Variants in FBXW2 observed in about 807,000 individuals in gnomAD.
FBXW2 encodes the protein F-box and WD repeat domain containing 2.
In FBXW2, 12 loss-of-function variants were observed where a neutral mutation model predicts 46.0. The ratio of observed to expected loss-of-function variants is 0.26; its 90% CI spans 0.17 to 0.42. The LOEUF (loss-of-function observed/expected upper bound fraction) is 0.42, where lower values mean the gene tolerates loss of function less well. FBXW2 is among the 10% of genes least tolerant of loss of function. FBXW2 has a pLI of 1.00. For synonymous variants in FBXW2, 203 were observed against 209.6 expected (o/e 0.97, Z 0.27); for missense variants, 360 against 537.0 (o/e 0.67, Z 3.26).
rs1422391458 is a variant in FBXW2, at chr9:120,763,443, T to C, written c.*1116A>G. On this transcript the variant is annotated 3_prime_UTR_variant, in exon 8 of 8. Coordinates refer to ENST00000608872, the MANE Select transcript of FBXW2 (RefSeq NM_012164.4). The stretch of plus-strand genomic sequence containing the variant: ...AAGTTAGGTTGGGTTCAGGTATCCT[T>C]CTAGTATAGCATACTGTGTCCCTAT... 1.3e-5 allele frequency: 2 copies of C among 152,200 alleles called. No individual in the cohort carries two copies. The highest frequency in any genetic ancestry group is 4.8e-5 in the African/African-American group (2 of 41,450). 9.4% of individuals were successfully genotyped at this position (152,200 alleles called of 1,614,324 possible).
At chr9:120,770,098 C>T (rs558490487) in intron 7 of FBXW2, among the ~76,000 whole-genome samples, 19 of 152,212 alleles carry the variant, frequency 1.2e-4, no homozygotes, top group African/African-American at 3.4e-4. Flanking sequence ...ATGAAGAGGC[C>T]GGGTGCGGTG....
chr9:120,791,286 T>C (rs1357094319), intron 2 of FBXW2, among the ~76,000 whole-genome samples: 1 of 152,230 alleles, frequency 6.6e-6, no homozygotes, highest in Non-Finnish European at 1.5e-5. Flanking sequence ...ATGGAATAGC[T>C]ACCTCCAGAG....
chr9:120,793,077 T>C lies in FBXW2; in HGVS notation c.-21+72A>G. On this transcript the variant is annotated intron_variant, in intron 2 of 7. Transcript: ENST00000608872. ...AAACCCTGTTTTCCCGTCTCTAAAA[T>C]CCAGATCCCATCAACCCATTCGTTG... The C allele has an allele frequency of 1.2e-5, 11 of 890,956 alleles. No homozygotes were observed. The South Asian group carries it at 1.6e-4, about 13-fold the overall frequency. The allele number at this position is 890,956 out of a possible 1,614,324, so 55.2% of individuals were successfully genotyped here. A position where few individuals can be genotyped will look rare whatever the true frequency, so the allele number is the denominator to read the frequency against.
intron 7 of FBXW2, among the ~76,000 whole-genome samples, chr9:120,765,612 A>G (rs1388564096): frequency 2.6e-5 from 4 of 152,222 alleles, no homozygotes; most frequent in South Asian, 2.1e-4. Flanking sequence ...ATCAACTCCT[A>G]GAATACTGGA....
chr9:120,774,687 T>A (rs2044455273), intron 5 of FBXW2, among the ~76,000 whole-genome samples: 1 of 152,226 alleles, frequency 6.6e-6, no homozygotes, highest in African/African-American at 2.4e-5. Flanking sequence ...TCACCCTGTA[T>A]CCACTTGTGC....
intron 7 of FBXW2, 22 bp downstream of exon 7, chr9:120,771,326 G>C (rs370182033): frequency 5.0e-6 from 8 of 1,594,620 alleles, no homozygotes; most frequent in Non-Finnish European, 6.0e-6. Flanking sequence ...AAGGTAAAGC[G>C]TGAGGTCGAA....
intron 5 of FBXW2, among the ~76,000 whole-genome samples, chr9:120,773,382 G>A (rs554324610): frequency 6.6e-6 from 1 of 152,268 alleles, no homozygotes; most frequent in African/African-American, 2.4e-5. Context: ...AAATGAAAAA[G>A]CACTGGACTT....
chr9:120,783,412 G>A (rs1236914221), intron 3 of FBXW2, among the ~76,000 whole-genome samples: 11 of 151,872 alleles, frequency 7.2e-5, no homozygotes, highest in South Asian at 2.1e-4. Flanking sequence ...CACACTGCAC[G>A]AAAGAAAAAA....
intron 7 of FBXW2, among the ~76,000 whole-genome samples, chr9:120,767,131 T>C (rs896659199): frequency 9.8e-5 from 15 of 152,308 alleles, no homozygotes; most frequent in African/African-American, 3.4e-4. Context: ...GCAATATAGA[T>C]AGAATACGGA....
At chr9:120,780,172 T>C (rs899704561) in intron 3 of FBXW2, among the ~76,000 whole-genome samples, 3 of 148,940 alleles carry the variant, frequency 2.0e-5, no homozygotes, top group Non-Finnish European at 3.0e-5. Flanking sequence ...TTAGCCAACA[T>C]GGTGAAACCC....
intron 5 of FBXW2, 95 bp downstream of exon 5, chr9:120,775,998 T>C (rs1306678948): frequency 2.1e-6 from 3 of 1,456,048 alleles, no homozygotes; most frequent in Non-Finnish European, 1.9e-6. Flanking sequence ...TTCCATCTTA[T>C]GACTCACCTA....
At chr9:120,779,378 C>T (rs1200339671) in intron 3 of FBXW2, among the ~76,000 whole-genome samples, 3 of 152,158 alleles carry the variant, frequency 2.0e-5, no homozygotes, top group Non-Finnish European at 4.4e-5. Flanking sequence ...GGCACAGTAT[C>T]CTAGGAAAGC....
intron 7 of FBXW2, among the ~76,000 whole-genome samples, chr9:120,767,438 A>G (rs2044296327): frequency 6.6e-6 from 1 of 152,194 alleles, no homozygotes; most frequent in Non-Finnish European, 1.5e-5. Flanking sequence ...CTTTATAAAC[A>G]GGTTTACAAG....
At chr9:120,778,117 A>C (rs894547088) in intron 4 of FBXW2, among the ~76,000 whole-genome samples, 5 of 152,116 alleles carry the variant, frequency 3.3e-5, no homozygotes, top group African/African-American at 1.2e-4. Context: ...GAGAGAATGA[A>C]AACTACCCTT....
At chr9:120,767,030 G>A (rs1235407770) in intron 7 of FBXW2, among the ~76,000 whole-genome samples, 1 of 152,168 alleles carries the variant, frequency 6.6e-6, no homozygotes, top group Non-Finnish European at 1.5e-5. Context: ...GGATATAACA[G>A]GAGTATCAAG....
At chr9:120,767,075 C>A (rs1458423311) in intron 7 of FBXW2, among the ~76,000 whole-genome samples, 1 of 152,092 alleles carries the variant, frequency 6.6e-6, no homozygotes, top group Non-Finnish European at 1.5e-5. Context: ...TATAGCTGGA[C>A]CTGGAAGAAT....
At chr9:120,792,855 G>C (rs1198501178) in intron 2 of FBXW2, 1 of 1,467,058 alleles carries the variant, frequency 6.8e-7, no homozygotes, top group South Asian at 1.2e-5. Flanking sequence ...TGTTATCTTT[G>C]CTTTACTTCA....
At chr9:120,779,045 C>T (rs2044557238) in intron 3 of FBXW2, among the ~76,000 whole-genome samples, 1 of 152,228 alleles carries the variant, frequency 6.6e-6, no homozygotes, top group Admixed American at 6.5e-5. Context: ...CCTGGGCTAA[C>T]TTCTGCAAAA....
At position 120,775,985 on chromosome 9, in the gene FBXW2, C is replaced by T. The variant is rs2044485509; in HGVS notation, c.819+108G>A. ...GTACCATTATGCTTTGTAGGTACAG[C>T]AATTCCATCTTATGACTCACCTAAC... On this transcript the variant is annotated intron_variant, in intron 5 of 7. Coordinates refer to ENST00000608872, the MANE Select transcript of FBXW2 (RefSeq NM_012164.4). The T allele has an allele frequency of 3.7e-6, 5 of 1,341,104 alleles. No individual in the cohort carries two copies. The Admixed American group carries it at 1.1e-4, about 29-fold the overall frequency. 83.1% of individuals were successfully genotyped at this position (1,341,104 alleles called of 1,614,324 possible).
Sources: gnomAD v4.1 joint callset for allele counts (sites outside exome capture counted in the v4.1 genomes callset) on GRCh38, gnomAD v4.1.1 for gene constraint, MANE v1.5 for transcripts, NCBI Gene and HGNC (gene_info 2026-07-23, HGNC 2026-07-21) for gene names.